CD99L2: variants seen among roughly 807,000 people sequenced by gnomAD.
CD99L2 encodes CD99 antigen-like protein 2.
A neutral mutation model predicts 27.3 loss-of-function variants in CD99L2; 24 were observed. The ratio of observed to expected loss-of-function variants is 0.88; its 90% CI spans 0.64 to 1.24. The LOEUF (loss-of-function observed/expected upper bound fraction) is 1.24. CD99L2 is among the 50% of genes most tolerant of loss of function. The pLI is 0.00. For missense variants in CD99L2, 255 were observed against 221.6 expected (o/e 1.15, Z -0.96); for synonymous variants, 97 against 87.9 (o/e 1.10, Z -0.58).
chrX:150,794,967 T>A (rs1405079878), intron 6 of CD99L2, among the ~76,000 whole-genome samples: 1 of 112,947 alleles, frequency 8.9e-6, no homozygotes. Flanking sequence ...GATTGATTAA[T>A]AAAGTCTTTC....
chrX:150,782,658 C>A lies in CD99L2; in HGVS notation c.497-5176G>T, dbSNP rs782547084. On this transcript the variant is annotated intron_variant, in intron 7 of 10. Coordinates refer to ENST00000370377, the MANE Select transcript of CD99L2 (RefSeq NM_031462.4). ...AGAGCTGGGGAGCTATTCCTCACAT[C>A]TGAAACATCCTATTTCTTTACATGT... 8.9e-5 allele frequency among the ~76,000 whole-genome samples: 10 copies of A among 111,886 alleles called. No homozygotes were observed. In the East Asian group the frequency reaches 2.8e-3, roughly 32 times the overall value.
At chrX:150,773,628 G>A (rs2043500359) in intron 9 of CD99L2, among the ~76,000 whole-genome samples, 1 of 112,462 alleles carries the variant, frequency 8.9e-6, no homozygotes, top group South Asian at 3.7e-4. Context: ...TGTGAACATG[G>A]CCTTATTCAG....
rs139429258 is a variant in CD99L2 at position 150,870,811 on chromosome X, G to C, written c.67+27711C>G. Among the ~76,000 whole-genome samples, 747 of 110,036 alleles carry C rather than the reference G, an allele frequency of 6.8e-3. 7 individuals are homozygous for C. Among genetic ancestry groups the C allele is most frequent in the African/African-American group, 0.023 (706 of 30,190 alleles). On this transcript the variant is annotated intron_variant, in intron 1 of 10. Transcript: ENST00000370377. ...ATCCCTAACTCTCTTGGGAGAGTCCGCCTTGCTCCAGGAGGGAAGAAAAGG... is the reference window on the plus strand; with the variant it reads ...ATCCCTAACTCTCTTGGGAGAGTCCCCCTTGCTCCAGGAGGGAAGAAAAGG...
chrX:150,812,661 A>C (rs1346016696), intron 4 of CD99L2, among the ~76,000 whole-genome samples: 1 of 112,700 alleles, frequency 8.9e-6, no homozygotes, highest in Admixed American at 9.4e-5. Flanking sequence ...CTAAACATGT[A>C]ACTACCATGT....
intron 2 of CD99L2, among the ~76,000 whole-genome samples, chrX:150,826,284 C>T (rs1206061416): frequency 1.8e-5 from 2 of 111,578 alleles, no homozygotes; most frequent in African/African-American, 6.5e-5. Flanking sequence ...TATGGCAGCA[C>T]AAATGGACTA....
intron 1 of CD99L2, among the ~76,000 whole-genome samples, chrX:150,843,264 A>G (rs1357370360): frequency 3.6e-5 from 4 of 111,966 alleles, no homozygotes; most frequent in Admixed American, 9.5e-5. Flanking sequence ...ACATGTAAGC[A>G]GTTTACAATT....
intron 1 of CD99L2, among the ~76,000 whole-genome samples, chrX:150,851,031 G>T (rs1368256360): frequency 9.0e-6 from 1 of 110,921 alleles, no homozygotes; most frequent in African/African-American, 3.3e-5. Flanking sequence ...TAGAGACAGG[G>T]TTTCACCATG....
At chrX:150,822,605 C>T (rs963229001) in intron 2 of CD99L2, among the ~76,000 whole-genome samples, 6 of 111,263 alleles carry the variant, frequency 5.4e-5, no homozygotes, top group Middle Eastern at 4.3e-3. Context: ...GTACTGTATT[C>T]GGAATTTTTG....
At chrX:150,840,590 T>C (rs782487648) in intron 1 of CD99L2, among the ~76,000 whole-genome samples, 3 of 111,517 alleles carry the variant, frequency 2.7e-5, no homozygotes, top group Non-Finnish European at 5.7e-5. Flanking sequence ...GTATTTTTTG[T>C]AGAGATGGGG....
chrX:150,785,507 A>G, intron 7 of CD99L2, among the ~76,000 whole-genome samples: 1 of 111,560 alleles, frequency 9.0e-6, no homozygotes, highest in South Asian at 3.8e-4. Flanking sequence ...TTTTTAAGGT[A>G]AAACTTACAT....
chrX:150,776,124 C>T, intron 9 of CD99L2, 50 bp downstream of exon 9: 1 of 1,196,941 alleles, frequency 8.4e-7, no homozygotes. Context: ...CCTTTCCCTC[C>T]AAAGACCTTG....
At chrX:150,773,353 G>A (rs1458281772) in intron 9 of CD99L2, among the ~76,000 whole-genome samples, 1 of 113,178 alleles carries the variant, frequency 8.8e-6, no homozygotes, top group Non-Finnish European at 1.9e-5. Context: ...AGAGGCAATG[G>A]CAGGTAGCTG....
chrX:150,828,805 T>C (rs1557420987), intron 2 of CD99L2: 2 of 111,862 alleles, frequency 1.8e-5, no homozygotes, highest in Non-Finnish European at 3.8e-5. Context: ...CAGTGCATAA[T>C]GGCAAATCCA....
chrX:150,894,104 T>C (rs1603328044), intron 1 of CD99L2, among the ~76,000 whole-genome samples: 1 of 111,578 alleles, frequency 9.0e-6, no homozygotes, highest in Non-Finnish European at 1.9e-5. Flanking sequence ...TTCCAGAACA[T>C]TGTCATCATC....
chrX:150,823,858 C>A (rs1557420731), intron 2 of CD99L2, among the ~76,000 whole-genome samples: 4 of 110,468 alleles, frequency 3.6e-5, no homozygotes, highest in African/African-American at 1.3e-4. Flanking sequence ...TTAATTCATT[C>A]ATGAGGGCAG....
chrX:150,792,975 G>A lies in CD99L2; in HGVS notation c.496+716C>T, dbSNP rs149924973. ...TAACATGAGGGAACTTCTTTGTGGC[G>A]ATGGAACAGTTCTGCCTGCTAATTA... On this transcript the variant is annotated intron_variant, in intron 7 of 10. Coordinates refer to ENST00000370377, the MANE Select transcript of CD99L2 (RefSeq NM_031462.4). Among the ~76,000 whole-genome samples, 412 of 111,851 alleles carry A rather than the reference G, an allele frequency of 3.7e-3. 2 individuals carry two copies. The highest frequency in any genetic ancestry group is 0.013 in the African/African-American group (395 of 30,764).
chrX:150,893,979 G>A (rs782447105), intron 1 of CD99L2, among the ~76,000 whole-genome samples: 1 of 111,950 alleles, frequency 8.9e-6, no homozygotes, highest in East Asian at 2.8e-4. Flanking sequence ...GCCTCCCAAC[G>A]AGCTGGGTTT....
intron 4 of CD99L2, among the ~76,000 whole-genome samples, chrX:150,808,998 G>T (rs1557420311): frequency 9.0e-6 from 1 of 110,910 alleles, no homozygotes; most frequent in East Asian, 2.8e-4. Context: ...TGAAGCAAAG[G>T]TAAGAGTCAG....
At chrX:150,793,061 C>G (rs901261661) in intron 7 of CD99L2, among the ~76,000 whole-genome samples, 1 of 111,777 alleles carries the variant, frequency 8.9e-6, no homozygotes, top group Admixed American at 9.5e-5. Context: ...TACTCGCTCA[C>G]ACACGCATAT....
Sources: allele counts gnomAD v4.1 joint callset (sites outside exome capture counted in the v4.1 genomes callset), GRCh38; gene constraint gnomAD v4.1.1; transcripts MANE v1.5; gene names NCBI Gene and HGNC (gene_info 2026-07-23, HGNC 2026-07-21).